The following TCF20 variants were observed in gnomAD, a reference collection of about 807,000 sequenced individuals.
TCF20 encodes SPRE-binding protein.
A neutral mutation model predicts 148.6 loss-of-function variants in TCF20; 3 were observed. The ratio of observed to expected loss-of-function variants is 0.02; its 90% CI spans 0.01 to 0.05. The LOEUF is 0.05. Ranked by LOEUF, TCF20 falls within the 10% of genes least tolerant of loss-of-function variation. TCF20 has a pLI of 1.00. For synonymous variants in TCF20, 1,049 were observed against 909.5 expected (o/e 1.15, Z -2.76); for missense variants, 2,350 against 2,429.3 (o/e 0.97, Z 0.69).
chr22:42,164,441 G>A (rs1418807363), intron 5 of TCF20, among the ~76,000 whole-genome samples: 3 of 152,122 alleles, frequency 2.0e-5, no homozygotes, highest in African/African-American at 4.8e-5. Flanking sequence ...TTGTTAGCCA[G>A]GATGGTCTCG....
chr22:42,226,372 T>C (rs1341598790), intron 1 of TCF20, among the ~76,000 whole-genome samples: 1 of 152,258 alleles, frequency 6.6e-6, no homozygotes, highest in Non-Finnish European at 1.5e-5. Flanking sequence ...TTGCCACTTA[T>C]AGGCTAAAAG....
chr22:42,272,093 A>T (rs1475677100), upstream of TCF20, among the ~76,000 whole-genome samples: 4 of 152,144 alleles, frequency 2.6e-5, no homozygotes, highest in East Asian at 7.7e-4. Context: ...GCAGGTCAGG[A>T]CTATTCCTGG....
chr22:42,171,040 A>G (rs1936103728), intron 3 of TCF20, among the ~76,000 whole-genome samples: 2 of 152,190 alleles, frequency 1.3e-5, no homozygotes, highest in African/African-American at 4.8e-5. Flanking sequence ...TAATCCTTGG[A>G]GGAAAAATGA....
At chr22:42,333,507 G>C (rs1294651120) in intron 1 of TCF20, among the ~76,000 whole-genome samples, 1 of 152,260 alleles carries the variant, frequency 6.6e-6, no homozygotes, top group Non-Finnish European at 1.5e-5. Context: ...AAGCAGAAAA[G>C]TATCTGGCTT....
chr22:42,238,012 C>T (rs1053384779), intron 1 of TCF20, among the ~76,000 whole-genome samples: 4 of 152,182 alleles, frequency 2.6e-5, no homozygotes, highest in African/African-American at 9.7e-5. Flanking sequence ...ACACCAGCTC[C>T]TAATAACAGT....
chr22:42,172,288 C>T (rs1415852047), intron 3 of TCF20, among the ~76,000 whole-genome samples: 1 of 152,214 alleles, frequency 6.6e-6, no homozygotes, highest in Non-Finnish European at 1.5e-5. Flanking sequence ...CTCCTCTTAC[C>T]AGTCCCTGCT....
chr22:42,229,663 A>G (rs543097815), intron 1 of TCF20, among the ~76,000 whole-genome samples: 1 of 152,262 alleles, frequency 6.6e-6, no homozygotes, highest in East Asian at 1.9e-4. Context: ...ACCACTCCAC[A>G]CAGACCATGC....
At chr22:42,238,994 T>C (rs1321804145) in intron 1 of TCF20, among the ~76,000 whole-genome samples, 1 of 151,944 alleles carries the variant, frequency 6.6e-6, no homozygotes, top group Non-Finnish European at 1.5e-5. Context: ...GGCGGGCACC[T>C]GTAGTCCCAG....
intron 1 of TCF20, among the ~76,000 whole-genome samples, chr22:42,232,098 C>T (rs1175133804): frequency 6.6e-6 from 1 of 152,106 alleles, no homozygotes; most frequent in Non-Finnish European, 1.5e-5. Flanking sequence ...CACTGACTCA[C>T]CCAGAACAAC....
chr22:42,200,416 G>A lies in TCF20; in HGVS notation c.5655+9235C>T, dbSNP rs187141521. Among the ~76,000 whole-genome samples the A allele has an allele frequency of 1.2e-3, 178 of 152,142 alleles. 1 individual carries two copies. The highest frequency in any genetic ancestry group is 4.2e-3 in the African/African-American group (173 of 41,500). On this transcript the variant is annotated intron_variant, in intron 2 of 5. Coordinates refer to ENST00000677622, the MANE Select transcript of TCF20 (RefSeq NM_001378418.1). ...AATCCCAGCACTTTGGGAGGCAGGT[G>A]GATCGCCTGAGGTCAGGAGTTCGAG...
upstream of TCF20, among the ~76,000 whole-genome samples, chr22:42,287,863 G>T (rs1477780565): frequency 6.6e-6 from 1 of 150,590 alleles, no homozygotes; most frequent in Non-Finnish European, 1.5e-5. Context: ...AGCCTCACTA[G>T]CCAAAAAAAA....
chr22:42,262,661 G>A (rs146237287), intron 1 of TCF20, among the ~76,000 whole-genome samples: 6 of 151,956 alleles, frequency 3.9e-5, no homozygotes, highest in East Asian at 3.9e-4. Flanking sequence ...GAAAAAATAG[G>A]GTCTGGAGAA....
At chr22:42,258,554 T>C (rs1403113595) in intron 1 of TCF20, among the ~76,000 whole-genome samples, 1 of 152,150 alleles carries the variant, frequency 6.6e-6, no homozygotes. Context: ...CACATACACT[T>C]AGGATTTTCA....
intron 1 of TCF20, among the ~76,000 whole-genome samples, chr22:42,264,273 G>A (rs1236927411): frequency 1.3e-5 from 2 of 149,642 alleles, no homozygotes; most frequent in East Asian, 2.0e-4. Context: ...GGGCGGGGGC[G>A]GGGCGGGGGC....
At chr22:42,337,981 G>A (rs887660635) in intron 1 of TCF20, among the ~76,000 whole-genome samples, 5 of 152,230 alleles carry the variant, frequency 3.3e-5, no homozygotes, top group African/African-American at 9.6e-5. Flanking sequence ...TTCCAGGGAA[G>A]CCTTTGACGG....
chr22:42,188,336 G>A lies in TCF20; in HGVS notation c.5656-8634C>T, dbSNP rs1339228644. Among the ~76,000 whole-genome samples, 8 of 133,060 alleles carry A rather than the reference G, an allele frequency of 6.0e-5. No individual in the cohort carries two copies. The South Asian group carries it at 1.5e-3, about 26-fold the overall frequency. The allele number at this position is 133,060 out of a possible 152,430, so 87.3% of individuals were successfully genotyped here. A position where few individuals can be genotyped will look rare whatever the true frequency, so the allele number is the denominator to read the frequency against. On this transcript the variant is annotated intron_variant, in intron 2 of 5. Transcript: ENST00000677622. Reference sequence around the variant, plus strand: ...AAAAAAAAAATCCAGATTCTCACCCGTGAGCTGTGTTATGAGGAAGGGACC... The same window carrying A: ...AAAAAAAAAATCCAGATTCTCACCCATGAGCTGTGTTATGAGGAAGGGACC...
At chr22:42,175,936 A>G (rs1490191897) in intron 3 of TCF20, among the ~76,000 whole-genome samples, 1 of 151,910 alleles carries the variant, frequency 6.6e-6, no homozygotes, top group African/African-American at 2.4e-5. Flanking sequence ...CTGGGACTAC[A>G]GACAAGGGCC....
Position 42,290,060 on chromosome 22 carries a change from C to T in TCF20, c.-37+53419G>A, listed in dbSNP as rs1290111043. Among the ~76,000 whole-genome samples the T allele has an allele frequency of 6.6e-6, 1 of 152,256 alleles. No homozygotes were observed. The highest frequency in any genetic ancestry group is 1.5e-5 in the Non-Finnish European group (1 of 68,048). ...TAATTCTCCACAGCCGGCTCACTCC[C>T]GCCGCACGCATGCGCCCCCTGCACC... On this transcript the variant is annotated intron_variant, in intron 1 of 1. Coordinates refer to the TCF20 transcript ENST00000515426. This position sits in a 1 kb window ranked among gnomAD's most constrained non-coding sequence, Gnocchi z 4.2.
In TCF20 at chr22:42,270,469, G is replaced by C. The variant is rs1199550889; in HGVS notation, c.-167C>G. On this transcript the variant is annotated 5_prime_UTR_variant, in exon 1 of 6. Coordinates refer to ENST00000677622, the MANE Select transcript of TCF20 (RefSeq NM_001378418.1). ...CCGCCGCCTCCAGCTCGGGCGCCCG[G>C]GCCGGCGGCGGGGCGGGCCGGGGCC... is the stretch of plus-strand genomic sequence containing the variant. Among the ~76,000 whole-genome samples, 2 of 144,444 alleles carry C rather than the reference G, an allele frequency of 1.4e-5. No homozygotes were observed. Among genetic ancestry groups the C allele is most frequent in the Non-Finnish European group, 3.1e-5 (2 of 65,044 alleles). 94.8% of individuals were successfully genotyped at this position (144,444 alleles called of 152,430 possible).
Sources: allele counts gnomAD v4.1 joint callset (sites outside exome capture counted in the v4.1 genomes callset), GRCh38; gene constraint gnomAD v4.1.1; non-coding constraint Gnocchi (gnomAD v3.1); transcripts MANE v1.5; gene names NCBI Gene and HGNC (gene_info 2026-07-23, HGNC 2026-07-21).